Variants in DDX60 observed in about 807,000 individuals in gnomAD.
DDX60 encodes probable ATP-dependent RNA helicase DDX60.
A neutral mutation model predicts 212.8 loss-of-function variants in DDX60; 165 were observed. That is an observed-to-expected ratio of 0.78 (90% CI 0.68 to 0.88). DDX60 has a LOEUF of 0.88. Ranked by LOEUF, DDX60 falls within the 40% of genes least tolerant of loss-of-function variation. DDX60 has a pLI of 0.00. For synonymous variants in DDX60, 703 were observed against 685.3 expected, an observed-to-expected ratio of 1.03 and a Z score of -0.40; for missense variants, 1,905 against 2,003.9, an observed-to-expected ratio of 0.95 and a Z score of 0.94.
chr4:168,228,556 T>A (rs568492154), intron 33 of DDX60, among the ~76,000 whole-genome samples: 36 of 152,048 alleles, frequency 2.4e-4, no homozygotes, highest in Admixed American at 2.6e-4. Flanking sequence ...GATTATAAGA[T>A]ATAGCTTTAA....
At chr4:168,271,031 C>G (rs1437843112) in intron 19 of DDX60, among the ~76,000 whole-genome samples, 1 of 151,894 alleles carries the variant, frequency 6.6e-6, no homozygotes, top group Admixed American at 6.6e-5. Flanking sequence ...GCACCTGCCA[C>G]CACACCCAGC....
chr4:168,293,798 C>G lies in DDX60; in HGVS notation c.871G>C (p.Glu291Gln). The change falls in exon 7 of 38, where the codon GAG (glutamate) becomes CAG (glutamine). Residue 291 changes from glutamate (E) to glutamine (Q), a missense_variant. Glu to Gln is a conservative substitution (Grantham distance 29, BLOSUM62 2). Transcript: ENST00000393743. ...NREPSSGQET[E>Q]IQQVNSNCLT... ...TATAAAAACCACACCTGTTGGATCT[C>G]AGTTTCCTGACCAGAGGAGGGCTCT... 6.2e-7 allele frequency: 1 copy of G among 1,608,132 alleles called. No individual in the cohort carries two copies. Among genetic ancestry groups the G allele is most frequent in the Non-Finnish European group, 8.5e-7 (1 of 1,178,282 alleles).
Position 168,236,370 on chromosome 4 carries a change from G to A in DDX60, c.4415C>T (p.Ser1472Leu), listed in dbSNP as rs1221587237. ...CATAACGTCTTGAGAAAAATGTTTT[G>A]AGCCTATATAAAACAAAGTGTCTTC... is the stretch of plus-strand genomic sequence containing the variant. ...HDLCQPTRKG[S>L]KHFSQDVMEK... The change falls in exon 33 of 38, where the codon TCA (serine) becomes TTA (leucine). Residue 1472 changes from serine to leucine, a missense_variant. Physicochemically the swap from Ser to Leu is moderately radical, Grantham distance 145. Coordinates refer to ENST00000393743, the MANE Select transcript of DDX60 (RefSeq NM_017631.6). 6 of 1,600,836 alleles carry A rather than the reference G, an allele frequency of 3.7e-6. No homozygotes were observed. The highest frequency in any genetic ancestry group is 5.1e-6 in the Non-Finnish European group (6 of 1,174,088).
chr4:168,224,358 G>C lies in DDX60; in HGVS notation c.4709C>G (p.Ser1570Cys), dbSNP rs1162229528. Residue 1570 changes from serine (S) to cysteine (C), a missense_variant, in exon 35 of 38, where the codon TCT (serine) becomes TGT (cysteine). By Grantham distance (112) the Ser-to-Cys change is moderately radical. Transcript: ENST00000393743. ...GCTCATCAAATGAGATACGAGTTGA[G>C]AGTCTTCACATTCTTTACCTGTGAA... The part of the protein sequence containing the change: ...IKFTGKECED[S>C]QLVSHLMSCK... The C allele has an allele frequency of 6.2e-7, 1 of 1,611,916 alleles. No homozygotes were observed. The highest frequency in any genetic ancestry group is 1.7e-5 in the Admixed American group (1 of 59,834).
At chr4:168,282,902 C>T (rs141698073) in intron 13 of DDX60, among the ~76,000 whole-genome samples, 6 of 152,082 alleles carry the variant, frequency 3.9e-5, no homozygotes, top group South Asian at 2.1e-4. Context: ...TCCCCAGTTA[C>T]GTCTCCCAGG....
the DDX60 span, among the ~76,000 whole-genome samples, chr4:168,325,754 C>A: frequency 6.6e-6 from 1 of 152,224 alleles, no homozygotes; most frequent in Non-Finnish European, 1.5e-5. Flanking sequence ...GCTTGGCCAA[C>A]AGATACACAA....
At chr4:168,267,054 T>C (rs2149515389) in intron 22 of DDX60, among the ~76,000 whole-genome samples, 1 of 152,290 alleles carries the variant, frequency 6.6e-6, no homozygotes, top group Admixed American at 6.5e-5. Flanking sequence ...AAGAGAACTA[T>C]GCAAGAAAAA....
intron 16 of DDX60, 25 bp from the exon 17 acceptor site, chr4:168,274,108 T>A (rs1284671490): frequency 6.2e-7 from 1 of 1,613,044 alleles, no homozygotes; most frequent in South Asian, 1.1e-5. Flanking sequence ...GTACCATTCA[T>A]GTCAAGAAAC....
rs1736222960 is a variant in DDX60, at chr4:168,293,886, A to C, written c.783T>G (p.Arg261=). ...ATGAGCATGAAGTAACACAAAAGAC[A>C]CGCCGAATGTCAGATCCTTCTGGCC... ...QVWPEGSDIR[R]VFCVTSCSLS... Residue 261 remains arginine (R), a synonymous_variant, in exon 7 of 38, where the codon CGT becomes CGG. Transcript: ENST00000393743. The C allele has an allele frequency of 1.2e-6, 2 of 1,614,102 alleles. No individual in the cohort carries two copies. The highest frequency in any genetic ancestry group is 1.7e-6 in the Non-Finnish European group (2 of 1,179,988).
intron 30 of DDX60, among the ~76,000 whole-genome samples, chr4:168,240,877 T>C (rs1361963738): frequency 2.0e-5 from 3 of 152,190 alleles, no homozygotes; most frequent in Admixed American, 6.5e-5. Context: ...GACATCGGCA[T>C]GGGCAATATT....
intron 10 of DDX60, among the ~76,000 whole-genome samples, chr4:168,286,089 C>T (rs555936738): frequency 9.6e-5 from 10 of 104,108 alleles, no homozygotes; most frequent in Non-Finnish European, 1.8e-4. Flanking sequence ...AGCAAGCACA[C>T]AGGGAGGGAG....
At chr4:168,247,774 G>T (rs1734072435) in intron 29 of DDX60, among the ~76,000 whole-genome samples, 1 of 152,204 alleles carries the variant, frequency 6.6e-6, no homozygotes, top group Admixed American at 6.5e-5. Context: ...TTGGTGTCAG[G>T]AGTAAAGATG....
At chr4:168,288,962 G>C (rs2149532886) in intron 8 of DDX60, among the ~76,000 whole-genome samples, 1 of 152,272 alleles carries the variant, frequency 6.6e-6, no homozygotes, top group African/African-American at 2.4e-5. Context: ...CAAATATCAG[G>C]CATGGAGTAT....
In DDX60 at chr4:168,259,810, G is replaced by A. The variant is rs1215051889; in HGVS notation, c.3398+1055C>T. Among the ~76,000 whole-genome samples the A allele has an allele frequency of 5.9e-5, 9 of 151,572 alleles. 1 individual carries two copies. Among genetic ancestry groups the A allele is most frequent in the East Asian group, 5.8e-4 (3 of 5,180 alleles). On this transcript the variant is annotated intron_variant, in intron 25 of 37. Coordinates refer to ENST00000393743, the MANE Select transcript of DDX60 (RefSeq NM_017631.6). ...ATATAAAATTTAGCAAGATATCAGT[G>A]TATCTGGATCAGAGTTCTCATTACT... is the stretch of plus-strand genomic sequence containing the variant.
intron 30 of DDX60, among the ~76,000 whole-genome samples, chr4:168,244,444 G>A (rs1733954390): frequency 6.6e-6 from 1 of 151,938 alleles, no homozygotes; most frequent in Non-Finnish European, 1.5e-5. Flanking sequence ...AGAATTTCAG[G>A]GGCCAGGTGC....
At position 168,291,909 on chromosome 4, in the gene DDX60, G is replaced by T; in HGVS notation, c.883-3C>A. ...AGGGTTAAGCAATTACTGTTCACCT[G>T]AATAAAATAAAGAAGGTATAAGCCA... On this transcript the variant is annotated splice_region_variant and splice_polypyrimidine_tract_variant and intron_variant, in intron 7 of 37. Coordinates refer to ENST00000393743, the MANE Select transcript of DDX60 (RefSeq NM_017631.6). The T allele has an allele frequency of 6.2e-7, 1 of 1,600,984 alleles. No individual in the cohort carries two copies. The highest frequency in any genetic ancestry group is 1.1e-5 in the South Asian group (1 of 88,710).
At position 168,287,160 on chromosome 4, in the gene DDX60, T is replaced by A. The variant is rs746883453; in HGVS notation, c.1227A>T (p.Glu409Asp). The change falls in exon 10 of 38, where the codon GAA (glutamate) becomes GAT (aspartate). Residue 409 changes from glutamate to aspartate, a missense_variant. Transcript: ENST00000393743. ...NLGDTIMKDY[E>D]YLWNTVSKLV... ...ACTTTGATACGGTATTCCAGAGATA[T>A]TCATAATCTTTCATAATGGTATCTC... The A allele has an allele frequency of 6.2e-7, 1 of 1,609,472 alleles. No individual in the cohort carries two copies. The highest frequency in any genetic ancestry group is 1.3e-5 in the African/African-American group (1 of 74,884).
chr4:168,323,674 T>C (rs1251289529), upstream of DDX60, among the ~76,000 whole-genome samples: 2 of 152,168 alleles, frequency 1.3e-5, no homozygotes, highest in African/African-American at 4.8e-5. Context: ...TGTATAGAGG[T>C]ATCTATTACC....
At chr4:168,248,705 C>T (rs1379930023) in intron 28 of DDX60, among the ~76,000 whole-genome samples, 1 of 151,976 alleles carries the variant, frequency 6.6e-6, no homozygotes, top group Admixed American at 6.6e-5. Context: ...AAGCAAGATT[C>T]ATTATTGTAT....
Sources: gnomAD v4.1 joint callset for allele counts (sites outside exome capture counted in the v4.1 genomes callset) on GRCh38, gnomAD v4.1.1 for gene constraint, MANE v1.5 for transcripts, NCBI Gene and HGNC (gene_info 2026-07-23, HGNC 2026-07-21) for gene names.